The following TEX11 variants were observed in gnomAD, a reference collection of about 807,000 sequenced individuals.
TEX11 encodes the protein testis-expressed protein 11.
TEX11 carries 7 observed loss-of-function variants against 84.4 expected under a neutral mutation model. The observed-to-expected ratio is 0.08, with a 90% CI of 0.05 to 0.16. TEX11 has a LOEUF of 0.16. Among genes scored for constraint, TEX11 ranks in the 10% least tolerant of loss-of-function variants. TEX11 has a pLI of 1.00. For synonymous variants in TEX11, 264 were observed against 222.8 expected (o/e 1.18, Z -1.64); for missense variants, 551 against 660.5 (o/e 0.83, Z 1.82).
intron 25 of TEX11, among the ~76,000 whole-genome samples, chrX:70,588,619 T>A (rs779691233): frequency 8.9e-6 from 1 of 111,768 alleles, no homozygotes; most frequent in South Asian, 3.7e-4. Context: ...TACAGCAGTA[T>A]GAAAATGGAC....
chrX:70,680,604 G>T (rs957720630), intron 14 of TEX11, among the ~76,000 whole-genome samples: 1 of 107,933 alleles, frequency 9.3e-6, no homozygotes, highest in Admixed American at 9.9e-5. Flanking sequence ...AAAGAATCTC[G>T]GTCTATTACA....
chrX:70,564,804 T>C (rs1171467943), intron 25 of TEX11, among the ~76,000 whole-genome samples: 1 of 109,896 alleles, frequency 9.1e-6, no homozygotes, highest in Non-Finnish European at 1.9e-5. Context: ...CAGTCTATCA[T>C]TGTTGGACAT....
At chrX:70,645,426 T>C (rs1175931182) in intron 17 of TEX11, among the ~76,000 whole-genome samples, 1 of 111,538 alleles carries the variant, frequency 9.0e-6, no homozygotes, top group Non-Finnish European at 1.9e-5. Flanking sequence ...CTATTCAACA[T>C]ACTACTGGAA....
intron 8 of TEX11, among the ~76,000 whole-genome samples, chrX:70,812,123 T>C (rs186361602): frequency 9.0e-6 from 1 of 111,699 alleles, no homozygotes; most frequent in Non-Finnish European, 1.9e-5. Flanking sequence ...CTGAATGGTA[T>C]TGCCTAGGTT....
chrX:70,900,788 T>C (rs907425804), intron 2 of TEX11, among the ~76,000 whole-genome samples: 4 of 110,466 alleles, frequency 3.6e-5, no homozygotes, highest in African/African-American at 1.3e-4. Flanking sequence ...ACCCTGTCTC[T>C]ACTAAAAATA....
At chrX:70,857,579 A>G (rs1204858898) in intron 5 of TEX11, 2 of 268,155 alleles carry the variant, frequency 7.5e-6, no homozygotes, top group African/African-American at 5.7e-5. Flanking sequence ...GATATGTCAT[A>G]TATCTCAAAA....
At chrX:70,711,725 C>G (rs930367338) in intron 13 of TEX11, among the ~76,000 whole-genome samples, 1 of 111,191 alleles carries the variant, frequency 9.0e-6, no homozygotes, top group Non-Finnish European at 1.9e-5. Context: ...AAAATTTTCT[C>G]CCATTTTGTA....
intron 25 of TEX11, among the ~76,000 whole-genome samples, chrX:70,565,384 C>T (rs2088450782): frequency 9.3e-6 from 1 of 107,119 alleles, no homozygotes; most frequent in Admixed American, 1.0e-4. Context: ...GTTTCTTTTG[C>T]TGTGCAGAAG....
At chrX:70,838,293 T>C (rs1247338960) in intron 7 of TEX11, among the ~76,000 whole-genome samples, 2 of 110,574 alleles carry the variant, frequency 1.8e-5, no homozygotes, top group Non-Finnish European at 3.8e-5. Flanking sequence ...GTGGCGGCTG[T>C]CTGTAGTCCC....
the TEX11 span, among the ~76,000 whole-genome samples, chrX:70,518,368 A>G: frequency 8.9e-6 from 1 of 111,827 alleles, no homozygotes; most frequent in Non-Finnish European, 1.9e-5. Flanking sequence ...TTCTGCCTTC[A>G]TTTCATTATG....
intron 28 of TEX11, among the ~76,000 whole-genome samples, chrX:70,550,723 CT>C (rs1176527157): frequency 9.0e-6 from 1 of 111,578 alleles, no homozygotes; most frequent in Non-Finnish European, 1.9e-5. Flanking sequence ...GTTAAAATGG[CT>C]TATATCCAAA....
chrX:70,641,862 GA>G (rs1266230996), intron 17 of TEX11, among the ~76,000 whole-genome samples: 1 of 111,175 alleles, frequency 9.0e-6, no homozygotes, highest in Non-Finnish European at 1.9e-5. Context: ...AAAAGAACTA[GA>G]AAAGCAAGAG....
intron 17 of TEX11, among the ~76,000 whole-genome samples, chrX:70,637,463 C>T (rs925266996): frequency 2.7e-5 from 3 of 112,292 alleles, no homozygotes; most frequent in Non-Finnish European, 5.6e-5. Context: ...ATAATGCACA[C>T]GTATGTTCAT....
chrX:70,522,751 C>T, the TEX11 span, among the ~76,000 whole-genome samples: 1 of 107,849 alleles, frequency 9.3e-6, no homozygotes, highest in African/African-American at 3.4e-5. Flanking sequence ...CCATGTTGGT[C>T]AGGCTGGTCT....
At position 70,667,665 on chromosome X, in the gene TEX11, C is replaced by T. The variant is rs753297266; in HGVS notation, c.1380+2712G>A. ...ACAGTAGGCCGGGCGCGGTGGCTCA[C>T]GCCTGTAATCCCAGCACTTTGGGAG... On this transcript the variant is annotated intron_variant, in intron 16 of 29. Transcript: ENST00000374333. 6.3e-5 allele frequency among the ~76,000 whole-genome samples: 7 copies of T among 111,932 alleles called. No individual in the cohort carries two copies. In the East Asian group the frequency reaches 1.4e-3, roughly 22 times the overall value.
rs773625226 is a variant in TEX11, at chrX:70,671,682, C to T, written c.1243-1168G>A. ...ATCTTGTGGTACCTAACCATAAGAC[C>T]TAGGTTTCTACATGCTCCTATAAGG... is the stretch of plus-strand genomic sequence containing the variant. On this transcript the variant is annotated intron_variant, in intron 15 of 29. Coordinates refer to ENST00000374333, the MANE Select transcript of TEX11 (RefSeq NM_031276.3). Among the ~76,000 whole-genome samples the T allele has an allele frequency of 2.8e-4, 30 of 107,979 alleles. No individual in the cohort carries two copies. The Admixed American group carries it at 2.8e-3, about 10-fold the overall frequency. 93.8% of individuals were successfully genotyped at this position (107,979 alleles called of 115,157 possible).
chrX:70,728,351 G>A (rs778770739), intron 11 of TEX11, among the ~76,000 whole-genome samples: 5 of 113,081 alleles, frequency 4.4e-5, no homozygotes, highest in East Asian at 2.8e-4. Context: ...AGCCTGAGCC[G>A]AAGCAGGGCG....
At chrX:70,719,616 A>G (rs2090538072) in intron 13 of TEX11, among the ~76,000 whole-genome samples, 1 of 111,853 alleles carries the variant, frequency 8.9e-6, no homozygotes, top group Admixed American at 9.6e-5. Context: ...TTTGCAATCT[A>G]CTCATCTGAC....
chrX:70,767,080 C>T (rs2090945176), intron 9 of TEX11, among the ~76,000 whole-genome samples: 1 of 111,610 alleles, frequency 9.0e-6, no homozygotes, highest in South Asian at 3.8e-4. Context: ...AGTAATACCC[C>T]ACAAGCACTG....
Sources: gnomAD v4.1 joint callset for allele counts (sites outside exome capture counted in the v4.1 genomes callset) on GRCh38, gnomAD v4.1.1 for gene constraint, MANE v1.5 for transcripts, NCBI Gene and HGNC (gene_info 2026-07-23, HGNC 2026-07-21) for gene names.